Variants in SEMA6D observed in about 807,000 individuals in gnomAD.
SEMA6D encodes the protein semaphorin 6D.
In SEMA6D, 35 loss-of-function variants were observed where a neutral mutation model predicts 106.6. The observed-to-expected ratio is 0.33, with a 90% CI of 0.25 to 0.44. The LOEUF (loss-of-function observed/expected upper bound fraction) is 0.44, where lower values mean the gene tolerates loss of function less well. Among genes scored for constraint, SEMA6D ranks in the 20% least tolerant of loss-of-function variants. The probability of loss-of-function intolerance (pLI) is 1.00; values close to 1 mark genes in which losing one functional copy is unlikely to be tolerated. For missense variants in SEMA6D, 1,185 were observed against 1,345.9 expected, an observed-to-expected ratio of 0.88 and a Z score of 1.87; for synonymous variants, 499 against 487.7, an observed-to-expected ratio of 1.02 and a Z score of -0.31.
intron 1 of SEMA6D, among the ~76,000 whole-genome samples, chr15:47,333,045 A>G (rs188613506): frequency 1.8e-4 from 28 of 152,334 alleles, no homozygotes; most frequent in African/African-American, 6.7e-4. Context: ...TAGTAAGATA[A>G]GAACTTGTTA....
intron 1 of SEMA6D, among the ~76,000 whole-genome samples, chr15:47,268,648 G>A (rs1257165292): frequency 6.6e-6 from 1 of 152,116 alleles, no homozygotes; most frequent in Non-Finnish European, 1.5e-5. Flanking sequence ...AATGCTACTA[G>A]CTTTCTCTCT....
At chr15:47,302,695 T>C (rs920124682) in intron 1 of SEMA6D, among the ~76,000 whole-genome samples, 8 of 152,118 alleles carry the variant, frequency 5.3e-5, no homozygotes, top group African/African-American at 1.7e-4. Flanking sequence ...ATTCAACTTG[T>C]CTTCGACAGA....
intron 4 of SEMA6D, among the ~76,000 whole-genome samples, chr15:47,644,560 G>A (rs573900012): frequency 1.3e-5 from 2 of 152,354 alleles, no homozygotes; most frequent in African/African-American, 4.8e-5. Context: ...CCTCCCTGGT[G>A]ATTGGGGGCA....
chr15:47,506,610 A>ACACTCT (rs1174061621), intron 3 of SEMA6D, among the ~76,000 whole-genome samples: 1 of 151,316 alleles, frequency 6.6e-6, no homozygotes, highest in African/African-American at 2.4e-5. Context: ...ACACACACAC[A>ACACTCT]CACACACACA....
chr15:47,270,632 C>G (rs1227521475), intron 1 of SEMA6D, among the ~76,000 whole-genome samples: 1 of 152,146 alleles, frequency 6.6e-6, no homozygotes, highest in East Asian at 1.9e-4. Flanking sequence ...TAGTCTTTTA[C>G]TATATTTGCT....
At position 47,213,689 on chromosome 15, in the gene SEMA6D, C is replaced by T. The variant is rs184715851; in HGVS notation, c.-239+29271C>T. On this transcript the variant is annotated intron_variant, in intron 1 of 19. Transcript: ENST00000558014. Reference sequence around the variant, plus strand: ...ATTTTACTACAAAATCAGTAAAAGACATTTTGTGGTGTGCCTGACATTGTT... The same window carrying T: ...ATTTTACTACAAAATCAGTAAAAGATATTTTGTGGTGTGCCTGACATTGTT... 3.8e-3 allele frequency among the ~76,000 whole-genome samples: 571 copies of T among 152,064 alleles called. 6 individuals are homozygous for T. The highest frequency in any genetic ancestry group is 0.013 in the African/African-American group (538 of 41,488).
chr15:47,508,091 C>T (rs190563792), intron 3 of SEMA6D, among the ~76,000 whole-genome samples: 5 of 152,204 alleles, frequency 3.3e-5, no homozygotes, highest in Admixed American at 1.3e-4. Context: ...CTTAAAAGCC[C>T]GTGAACTTCA....
chr15:47,194,441 G>A (rs1019865649), intron 1 of SEMA6D, among the ~76,000 whole-genome samples: 9 of 152,046 alleles, frequency 5.9e-5, no homozygotes, highest in Admixed American at 5.9e-4. Context: ...AGACCTATGG[G>A]AAATTGCGTG....
rs73392869 is a variant in SEMA6D at position 47,675,352 on chromosome 15, A to G, written c.-55+74456A>G. On this transcript the variant is annotated intron_variant, in intron 4 of 19. Coordinates refer to the SEMA6D transcript ENST00000558014. ...AATGAGGCAATTAGGGTGGGCCCTC[A>G]TTCAGTCAGACTGGAGTCCTCGCAA... 8.3e-3 allele frequency among the ~76,000 whole-genome samples: 1,258 copies of G among 152,294 alleles called. 13 individuals carry two copies. Among genetic ancestry groups the G allele is most frequent in the African/African-American group, 0.029 (1,220 of 41,562 alleles).
At chr15:47,319,968 G>A (rs2036859987) in intron 1 of SEMA6D, among the ~76,000 whole-genome samples, 1 of 152,070 alleles carries the variant, frequency 6.6e-6, no homozygotes, top group Non-Finnish European at 1.5e-5. Context: ...CCACCTGTGA[G>A]TCTCTAAGTC....
At chr15:47,757,453 G>T (rs1172930669) in intron 1 of SEMA6D, among the ~76,000 whole-genome samples, 5 of 152,130 alleles carry the variant, frequency 3.3e-5, no homozygotes, top group Non-Finnish European at 7.3e-5. Context: ...CTTTGTAAGT[G>T]ATCAGAATAG....
At chr15:47,684,591 C>T (rs1287522487) in intron 4 of SEMA6D, among the ~76,000 whole-genome samples, 1 of 151,842 alleles carries the variant, frequency 6.6e-6, no homozygotes, top group Non-Finnish European at 1.5e-5. Context: ...ATAATAATGC[C>T]CAGTACATAC....
At chr15:47,497,320 G>GT (rs373833162) in intron 3 of SEMA6D, among the ~76,000 whole-genome samples, 87 of 147,516 alleles carry the variant, frequency 5.9e-4, no homozygotes, top group Admixed American at 1.5e-3. Context: ...AAAACAACAA[G>GT]TTTTTTTTTT....
intron 4 of SEMA6D, among the ~76,000 whole-genome samples, chr15:47,710,745 T>G (rs2079001137): frequency 6.6e-6 from 1 of 152,230 alleles, no homozygotes; most frequent in Admixed American, 6.5e-5. Flanking sequence ...TTTTTGGATT[T>G]TCCAGAAAAG....
intron 3 of SEMA6D, among the ~76,000 whole-genome samples, chr15:47,563,365 T>G (rs2046135256): frequency 6.6e-6 from 1 of 152,224 alleles, no homozygotes; most frequent in Non-Finnish European, 1.5e-5. Context: ...GTTAGGGGTA[T>G]AAATATATGC....
rs79552623 is a variant in SEMA6D, at chr15:47,768,422, A to T, written c.1766-159A>T. 0.017 allele frequency among the ~76,000 whole-genome samples: 2,602 copies of T among 152,234 alleles called. 76 individuals are homozygous for T. Among genetic ancestry groups the T allele is most frequent in the African/African-American group, 0.06 (2,478 of 41,532 alleles). Reference sequence around the variant, plus strand: ...TTTTAGTTTTCATTCTTCCCTTGAAAGGAAGGAATTTGATGTAGCTTCCTC... The same window carrying T: ...TTTTAGTTTTCATTCTTCCCTTGAATGGAAGGAATTTGATGTAGCTTCCTC... On this transcript the variant is annotated intron_variant, in intron 17 of 18. Coordinates refer to ENST00000536845, the MANE Select transcript of SEMA6D (RefSeq NM_001358351.3).
At chr15:47,212,579 T>C (rs1268723996) in intron 1 of SEMA6D, among the ~76,000 whole-genome samples, 1 of 152,210 alleles carries the variant, frequency 6.6e-6, no homozygotes. Flanking sequence ...CTCTTAATAA[T>C]AAAACTATCA....
intron 1 of SEMA6D, among the ~76,000 whole-genome samples, chr15:47,203,126 C>A (rs1055716978): frequency 6.6e-6 from 1 of 152,094 alleles, no homozygotes; most frequent in African/African-American, 2.4e-5. Context: ...GTTGATACCA[C>A]CTTTCACTAT....
intron 1 of SEMA6D, among the ~76,000 whole-genome samples, chr15:47,212,308 T>A (rs909444792): frequency 2.4e-4 from 37 of 152,208 alleles, no homozygotes; most frequent in African/African-American, 8.7e-4. Flanking sequence ...TATTCCCTCA[T>A]CACTTTGTTG....
Sources: gnomAD v4.1 joint callset for allele counts (sites outside exome capture counted in the v4.1 genomes callset) on GRCh38, gnomAD v4.1.1 for gene constraint, MANE v1.5 for transcripts, NCBI Gene and HGNC (gene_info 2026-07-23, HGNC 2026-07-21) for gene names.